Variants in BLVRB observed in about 807,000 individuals in gnomAD.
BLVRB encodes flavin reductase (NADPH).
In BLVRB, 25 loss-of-function variants were observed where a neutral mutation model predicts 21.1. The ratio of observed to expected loss-of-function variants is 1.19; its 90% CI spans 0.86 to 1.66. The LOEUF is 1.66. BLVRB is among the 40% of genes most tolerant of loss of function. The pLI, the probability that BLVRB is intolerant of heterozygous loss-of-function variation, is 0.00. For synonymous variants in BLVRB, 128 were observed against 122.2 expected (o/e 1.05, Z -0.31); for missense variants, 274 against 282.7 (o/e 0.97, Z 0.22).
At position 40,458,484 on chromosome 19, in the gene BLVRB, C is replaced by G; in HGVS notation, c.141G>C (p.Pro47=). Reference sequence around the variant, plus strand: ...GAACATCTCCCACTACCACGTGGGCCGGCCGGGGCCCCTCTGATGGCAGCC... The same window carrying G: ...GAACATCTCCCACTACCACGTGGGCGGGCCGGGGCCCCTCTGATGGCAGCC... ...SSRLPSEGPR[P]AHVVVGDVLQ... The change falls in exon 2 of 5, where the codon CCG becomes CCC. Residue 47 remains proline, a synonymous_variant. Transcript: ENST00000263368. The G allele has an allele frequency of 1.9e-6, 3 of 1,609,944 alleles. No individual in the cohort carries two copies. Among genetic ancestry groups the G allele is most frequent in the South Asian group, 2.2e-5 (2 of 90,132 alleles).
chr19:40,462,454 AT>A (rs2079791894), intron 1 of BLVRB, among the ~76,000 whole-genome samples: 1 of 150,956 alleles, frequency 6.6e-6, no homozygotes, highest in Non-Finnish European at 1.5e-5. Flanking sequence ...AATTTTTTGT[AT>A]TTTTAGTAGA....
At chr19:40,451,532 GTCT>G in intron 3 of BLVRB, 40 bp from the exon 4 acceptor site, 1 of 1,405,830 alleles carries the variant, frequency 7.1e-7, no homozygotes, top group East Asian at 2.7e-5. Flanking sequence ...GGGCTCTCTT[GTCT>G]TTTTTTTTTT....
chr19:40,465,063 AC>A (rs2079804976), intron 1 of BLVRB, among the ~76,000 whole-genome samples: 1 of 151,850 alleles, frequency 6.6e-6, no homozygotes, highest in South Asian at 2.1e-4. Context: ...CAGCAACCTG[AC>A]CCCCCAACTT....
Position 40,465,654 on chromosome 19 carries a change from G to T in BLVRB, c.35C>A (p.Thr12Asn). 1 of 1,612,856 alleles carries T rather than the reference G, an allele frequency of 6.2e-7. No individual in the cohort carries two copies. The highest frequency in any genetic ancestry group is 8.5e-7 in the Non-Finnish European group (1 of 1,179,828). ...AVKKIAIFGA[T>N]GQTGLTTLAQ... ...CAGGGTGGTGAGCCCGGTCTGGCCAGTGGCGCCGAAGATCGCGATCTTCTT... is the reference window on the plus strand; with the variant it reads ...CAGGGTGGTGAGCCCGGTCTGGCCATTGGCGCCGAAGATCGCGATCTTCTT... Residue 12 changes from threonine (T) to asparagine (N), a missense_variant, in exon 1 of 5, where the codon ACT becomes AAT. Physicochemically the swap from Thr to Asn is moderately conservative, Grantham distance 65. Transcript: ENST00000263368.
In BLVRB at chr19:40,458,518, T is replaced by A. The variant is rs755863671; in HGVS notation, c.107A>T (p.Asp36Val). ...CCCCTCTGATGGCAGCCTGGAGGAG[T>A]CCCGCACCAGCACTGTCACTTCGTA... ...AGYEVTVLVRDSSRLPSEGPR... is the reference protein window; with the variant it reads ...AGYEVTVLVRVSSRLPSEGPR... The change falls in exon 2 of 5, where the codon GAC becomes GTC. Residue 36 changes from aspartate to valine, a missense_variant. Transcript: ENST00000263368. The A allele has an allele frequency of 1.9e-6, 3 of 1,610,724 alleles. No individual in the cohort carries two copies. Among genetic ancestry groups the A allele is most frequent in the Non-Finnish European group, 2.5e-6 (3 of 1,178,874 alleles).
chr19:40,458,919 C>T (rs1302991222), intron 1 of BLVRB, among the ~76,000 whole-genome samples: 1 of 151,896 alleles, frequency 6.6e-6, no homozygotes. Flanking sequence ...TCTTGAACTC[C>T]TGGGCTCAGG....
At chr19:40,448,075 T>TAAAGCA in intron 4 of BLVRB, 29 bp from the exon 5 acceptor site, 1 of 1,595,922 alleles carries the variant, frequency 6.3e-7, no homozygotes. Context: ...AGGGGCTGGA[T>TAAAGCA]AAAGCAGACA....
chr19:40,448,909 A>C (rs547947145), intron 4 of BLVRB, among the ~76,000 whole-genome samples: 1 of 152,130 alleles, frequency 6.6e-6, no homozygotes, highest in East Asian at 1.9e-4. Context: ...CAACATGGCA[A>C]AACCACATCT....
intron 1 of BLVRB, among the ~76,000 whole-genome samples, chr19:40,465,340 A>G (rs919811157): frequency 6.6e-6 from 1 of 152,368 alleles, no homozygotes; most frequent in Middle Eastern, 3.4e-3. Context: ...ACCGCATTGC[A>G]TAAGAGCCCT....
chr19:40,452,796 C>T (rs767515642), intron 3 of BLVRB, among the ~76,000 whole-genome samples: 7 of 151,818 alleles, frequency 4.6e-5, no homozygotes, highest in East Asian at 1.9e-4. Context: ...ACCCTTGAGG[C>T]GGAGGTTGCA....
At chr19:40,460,682 G>C (rs1827971547) in intron 1 of BLVRB, among the ~76,000 whole-genome samples, 1 of 151,892 alleles carries the variant, frequency 6.6e-6, no homozygotes. Context: ...AGAAATAAGA[G>C]TTACCTGGTG....
chr19:40,450,880 ATCT>A (rs2079736682), intron 4 of BLVRB, among the ~76,000 whole-genome samples: 1 of 150,804 alleles, frequency 6.6e-6, no homozygotes, highest in Non-Finnish European at 1.5e-5. Context: ...CTATCTATCT[ATCT>A]ATCTATCTAA....
At chr19:40,450,355 A>T (rs2079734035) in intron 4 of BLVRB, 1 of 145,498 alleles carries the variant, frequency 6.9e-6, no homozygotes. Context: ...AAATACAAAA[A>T]ATTAGCCAGG....
At chr19:40,458,747 G>A (rs1182369772) in intron 1 of BLVRB, among the ~76,000 whole-genome samples, 1 of 151,954 alleles carries the variant, frequency 6.6e-6, no homozygotes, top group African/African-American at 2.4e-5. Flanking sequence ...AGGCTGCTGT[G>A]CAATGGTGCA....
Position 40,451,419 on chromosome 19 carries a change from G to A in BLVRB, c.408C>T (p.His136=), listed in dbSNP as rs960678047. The A allele has an allele frequency of 1.2e-6, 2 of 1,612,724 alleles. No homozygotes were observed. Among genetic ancestry groups the A allele is most frequent in the South Asian group, 1.1e-5 (1 of 90,618 alleles). ...QAVTDDHIRM[H]KVLRESGLKY... ...TCAGGCCTGATTCCCGCAGCACCTT[G>A]TGCATCCGGATGTGGTCATCAGTCA... The change falls in exon 4 of 5, where the codon CAC becomes CAT. Residue 136 remains histidine, a synonymous_variant. Transcript: ENST00000263368.
intron 3 of BLVRB, among the ~76,000 whole-genome samples, chr19:40,457,241 G>A (rs2079765825): frequency 6.6e-6 from 1 of 151,972 alleles, no homozygotes; most frequent in African/African-American, 2.4e-5. Flanking sequence ...CAGAGCTTGA[G>A]GAAAAAAGCC....
intron 3 of BLVRB, among the ~76,000 whole-genome samples, chr19:40,456,663 G>A (rs182932273): frequency 6.6e-6 from 1 of 152,220 alleles, no homozygotes; most frequent in East Asian, 1.9e-4. Flanking sequence ...GAGGTGGGAG[G>A]ACTGCTTGAG....
chr19:40,465,556 C>G (rs1255422004), intron 1 of BLVRB, 54 bp downstream of exon 1: 2 of 1,565,550 alleles, frequency 1.3e-6, no homozygotes, highest in Non-Finnish European at 1.7e-6. Flanking sequence ...GGTGCCCCTT[C>G]CTAAAGTTCT....
In BLVRB at chr19:40,458,531, C is replaced by A. The variant is rs780389636; in HGVS notation, c.94G>T (p.Val32Leu). The change falls in exon 2 of 5, where the codon GTG becomes TTG. Residue 32 changes from valine to leucine, a missense_variant. Val to Leu is a conservative substitution (Grantham distance 32). Coordinates refer to ENST00000263368, the MANE Select transcript of BLVRB (RefSeq NM_000713.3). ...AGCCTGGAGGAGTCCCGCACCAGCACTGTCACTTCGTAACCTGTGGGCAAA... is the reference window on the plus strand; with the variant it reads ...AGCCTGGAGGAGTCCCGCACCAGCAATGTCACTTCGTAACCTGTGGGCAAA... ...QAVQAGYEVTVLVRDSSRLPS... is the reference protein window; with the variant it reads ...QAVQAGYEVTLLVRDSSRLPS... 6.2e-7 allele frequency: 1 copy of A among 1,608,984 alleles called. No individual in the cohort carries two copies. The highest frequency in any genetic ancestry group is 8.5e-7 in the Non-Finnish European group (1 of 1,177,618).
Sources: allele counts gnomAD v4.1 joint callset (sites outside exome capture counted in the v4.1 genomes callset), GRCh38; gene constraint gnomAD v4.1.1; transcripts MANE v1.5; gene names NCBI Gene and HGNC (gene_info 2026-07-23, HGNC 2026-07-21).